Variants in RCN1 observed in about 807,000 individuals in gnomAD.
RCN1 encodes the protein reticulocalbin 1.
In RCN1, 14 loss-of-function variants were observed where a neutral mutation model predicts 34.7. That is an observed-to-expected ratio of 0.40 (90% CI 0.27 to 0.63). RCN1 has a LOEUF of 0.63. RCN1 is among the 30% of genes least tolerant of loss of function. The pLI is 0.37. For synonymous variants in RCN1, 125 were observed against 165.5 expected, an observed-to-expected ratio of 0.76 and a Z score of 1.88; for missense variants, 326 against 425.1, an observed-to-expected ratio of 0.77 and a Z score of 2.05.
chr11:32,100,722 C>T (rs223065), intron 4 of RCN1, 114 bp downstream of exon 4: 4 of 772,884 alleles, frequency 5.2e-6, no homozygotes, highest in Non-Finnish European at 8.9e-6. Flanking sequence ...CAAGTCTATA[C>T]GTCACTCCTG....
At chr11:32,094,256 G>C (rs1250529652) in intron 1 of RCN1, among the ~76,000 whole-genome samples, 1 of 152,188 alleles carries the variant, frequency 6.6e-6, no homozygotes. Flanking sequence ...AAATGTGACA[G>C]CTCTAAGGCC....
Position 32,105,643 on chromosome 11 carries a change from G to A in RCN1, c.*1171G>A, listed in dbSNP as rs1474725399. 6.6e-6 allele frequency: 1 copy of A among 151,946 alleles called. No homozygotes were observed. The highest frequency in any genetic ancestry group is 1.5e-5 in the Non-Finnish European group (1 of 67,980). 9.4% of individuals were successfully genotyped at this position (151,946 alleles called of 1,614,324 possible). On this transcript the variant is annotated 3_prime_UTR_variant, in exon 6 of 6. Transcript: ENST00000054950. Reference sequence around the variant, plus strand: ...CATGAATAACATTATAAAGGTTCTGGGGTTTTTTTTCATCCAATTACTAGA... The same window carrying A: ...CATGAATAACATTATAAAGGTTCTGAGGTTTTTTTTCATCCAATTACTAGA...
rs771282884 is a variant in RCN1, at chr11:32,097,134, T to TTC, written c.255-10_255-9insTC. 9.0e-3 allele frequency: 13,064 copies of TTC among 1,448,728 alleles called. 32 individuals carry two copies. The highest frequency in any genetic ancestry group is 0.014 in the Middle Eastern group (75 of 5,460). The allele number at this position is 1,448,728 out of a possible 1,614,324, so 89.7% of individuals were successfully genotyped here. On this transcript the variant is annotated splice_polypyrimidine_tract_variant and intron_variant, in intron 1 of 5. Transcript: ENST00000054950. ...GTGTGGGTTTCTTTTTTTTTTTTTT[T>TTC]GTACTGCAGGAAGATTGTTGATCGA...
In RCN1 at chr11:32,098,361, G is replaced by C. The variant is rs768729169; in HGVS notation, c.460G>C (p.Glu154Gln). Residue 154 changes from glutamate (E) to glutamine (Q), a missense_variant, in exon 3 of 6, where the codon GAG (glutamate) becomes CAG (glutamine). Coordinates refer to ENST00000054950, the MANE Select transcript of RCN1 (RefSeq NM_002901.4). ...TYGYYLGNPA[E>Q]FHDSSDHHTF... is the part of the protein sequence containing the mutation. The stretch of plus-strand genomic sequence containing the variant: ...CATACATCCTGCAGGAAACCCCGCA[G>C]AGTTTCATGATTCTTCAGATCATCA... 12 of 1,610,962 alleles carry C rather than the reference G, an allele frequency of 7.4e-6. No homozygotes were observed. Among genetic ancestry groups the C allele is most frequent in the Non-Finnish European group, 9.3e-6 (11 of 1,179,222 alleles).
intron 1 of RCN1, 78 bp from the exon 2 acceptor site, chr11:32,097,066 C>A: frequency 8.4e-7 from 1 of 1,192,656 alleles, no homozygotes; most frequent in Non-Finnish European, 1.1e-6. Context: ...TTTGCTGGAC[C>A]AGCATCACAC....
chr11:32,103,592 C>T (rs1472299065), intron 5 of RCN1, 112 bp downstream of exon 5: 1 of 905,488 alleles, frequency 1.1e-6, no homozygotes, highest in South Asian at 1.5e-5. Flanking sequence ...TCTTTATTGA[C>T]TTTTCCTTCT....
At chr11:32,091,555 C>A in intron 1 of RCN1, 105 bp downstream of exon 1, 1 of 1,428,704 alleles carries the variant, frequency 7.0e-7, no homozygotes, top group Non-Finnish European at 9.3e-7. Flanking sequence ...CGAAATCGCG[C>A]GCGCGGCCTC....
chr11:32,100,380 A>G (rs1049737600), intron 3 of RCN1, among the ~76,000 whole-genome samples, 168 bp from the exon 4 acceptor site: 3 of 152,192 alleles, frequency 2.0e-5, no homozygotes, highest in Non-Finnish European at 4.4e-5. Flanking sequence ...AACAGAAACT[A>G]TTGCCTGTTT....
chr11:32,103,189 CTAA>C, intron 4 of RCN1, 89 bp from the exon 5 acceptor site: 1 of 1,172,024 alleles, frequency 8.5e-7, no homozygotes, highest in Middle Eastern at 2.0e-4. Flanking sequence ...GTCGCCTTTC[CTAA>C]AGCTCAGGAG....
At chr11:32,096,928 A>G (rs1851977598) in intron 1 of RCN1, 1 of 494,504 alleles carries the variant, frequency 2.0e-6, no homozygotes, top group East Asian at 3.3e-5. Flanking sequence ...AGTGTCTGCC[A>G]TCAGCACTGG....
At chr11:32,100,506 C>T in intron 3 of RCN1, 42 bp from the exon 4 acceptor site, 1 of 1,502,828 alleles carries the variant, frequency 6.7e-7, no homozygotes, top group Non-Finnish European at 9.3e-7. Context: ...CTTCTTAGAG[C>T]ACATGGCCAT....
rs1203780172 is a variant in RCN1 at position 32,096,948 on chromosome 11, A to T, written c.255-196A>T. On this transcript the variant is annotated intron_variant, in intron 1 of 5. Transcript: ENST00000054950. ...CTGCCATCAGCACTGGTTGGGGGAA[A>T]GCACATCAACCTTGGAAGGATAAAC... is the stretch of plus-strand genomic sequence containing the variant. 7.6e-6 allele frequency: 4 copies of T among 524,296 alleles called. No individual in the cohort carries two copies. In the Admixed American group the frequency reaches 1.5e-4, roughly 20 times the overall value. 32.5% of individuals were successfully genotyped at this position (524,296 alleles called of 1,614,324 possible).
At chr11:32,098,265 G>A (rs1851995044) in intron 2 of RCN1, 85 bp from the exon 3 acceptor site, 2 of 1,230,654 alleles carry the variant, frequency 1.6e-6, no homozygotes, top group South Asian at 1.5e-5. Context: ...TGTACCATTT[G>A]AGCATGCAGG....
chr11:32,095,294 G>A lies in RCN1; in HGVS notation c.255-1850G>A, dbSNP rs1851960541. ...GGGTCTTGATTTGTTGCCCAGGCTTGTTTACAGTGGTACAGTCATAGCTCA... is the reference window on the plus strand; with the variant it reads ...GGGTCTTGATTTGTTGCCCAGGCTTATTTACAGTGGTACAGTCATAGCTCA... On this transcript the variant is annotated intron_variant, in intron 1 of 5. Transcript: ENST00000054950. 2.1e-5 allele frequency among the ~76,000 whole-genome samples: 3 copies of A among 145,948 alleles called. No individual in the cohort carries two copies. The South Asian group carries it at 6.6e-4, about 32-fold the overall frequency.
At position 32,091,377 on chromosome 11, in the gene RCN1, G is replaced by C; in HGVS notation, c.181G>C (p.Glu61Gln). 6.5e-7 allele frequency: 1 copy of C among 1,549,440 alleles called. No individual in the cohort carries two copies. Among genetic ancestry groups the C allele is most frequent in the Non-Finnish European group, 8.7e-7 (1 of 1,146,290 alleles). ...CAACCAGAGCTTCCAGTACGACCAC[G>C]AGGCCTTCCTGGGCAAGGAGGACTC... ...EDNQSFQYDH[E>Q]AFLGKEDSKT... The change falls in exon 1 of 6, where the codon GAG becomes CAG. Residue 61 changes from glutamate to glutamine, a missense_variant. Glu to Gln is a conservative substitution (Grantham distance 29). Coordinates refer to ENST00000054950, the MANE Select transcript of RCN1 (RefSeq NM_002901.4).
intron 1 of RCN1, 72 bp downstream of exon 1, chr11:32,091,522 G>T: frequency 1.3e-6 from 2 of 1,495,878 alleles, no homozygotes; most frequent in Non-Finnish European, 1.8e-6. Flanking sequence ...GAGCCACGCG[G>T]GATACCACCG....
chr11:32,091,165 G>C lies in RCN1; in HGVS notation c.-32G>C. 1 of 1,395,744 alleles carries C rather than the reference G, an allele frequency of 7.2e-7. No homozygotes were observed. 86.5% of individuals were successfully genotyped at this position (1,395,744 alleles called of 1,614,324 possible). A position where few individuals can be genotyped will look rare whatever the true frequency, so the allele number is the denominator to read the frequency against. On this transcript the variant is annotated 5_prime_UTR_variant, in exon 1 of 6. Coordinates refer to ENST00000054950, the MANE Select transcript of RCN1 (RefSeq NM_002901.4). Reference sequence around the variant, plus strand: ...CTGCCGCTGTTGTCGCTCGCTCAGCGTCTCCCTCTCGGCCGCCCTCTCCTC... The same window carrying C: ...CTGCCGCTGTTGTCGCTCGCTCAGCCTCTCCCTCTCGGCCGCCCTCTCCTC...
intron 1 of RCN1, among the ~76,000 whole-genome samples, chr11:32,092,819 C>T (rs1390621018): frequency 1.3e-5 from 2 of 152,178 alleles, no homozygotes; most frequent in African/African-American, 4.8e-5. Context: ...AAAGAGAACA[C>T]AGCCATCCCT....
At chr11:32,097,954 C>T (rs1489463465) in intron 2 of RCN1, among the ~76,000 whole-genome samples, 1 of 152,180 alleles carries the variant, frequency 6.6e-6, no homozygotes, top group Non-Finnish European at 1.5e-5. Flanking sequence ...CAAAGATGCA[C>T]TCACGCGGCC....
Sources: gnomAD v4.1 joint callset for allele counts (sites outside exome capture counted in the v4.1 genomes callset) on GRCh38, gnomAD v4.1.1 for gene constraint, MANE v1.5 for transcripts, NCBI Gene and HGNC (gene_info 2026-07-23, HGNC 2026-07-21) for gene names.